The following C8orf34 variants were observed in gnomAD, a reference collection of about 807,000 sequenced individuals.
C8orf34 encodes uncharacterized protein C8orf34.
In C8orf34, 65 loss-of-function variants were observed where a neutral mutation model predicts 68.3. The observed-to-expected ratio is 0.95, with a 90% confidence interval of 0.78 to 1.17. C8orf34 has a LOEUF of 1.17. C8orf34 is among the 50% of genes most tolerant of loss of function. The pLI is 0.00. For missense variants in C8orf34, 664 were observed against 655.4 expected (o/e 1.01, Z -0.14); for synonymous variants, 244 against 241.2 (o/e 1.01, Z -0.11).
At chr8:68,450,840 T>C (rs936602913) in intron 3 of C8orf34, among the ~76,000 whole-genome samples, 1 of 152,100 alleles carries the variant, frequency 6.6e-6, no homozygotes, top group East Asian at 1.9e-4. Flanking sequence ...AAGCATTGAC[T>C]TCAACTTAAA....
chr8:68,816,632 T>C (rs1335571349), intron 13 of C8orf34, among the ~76,000 whole-genome samples: 1 of 152,178 alleles, frequency 6.6e-6, no homozygotes, highest in Non-Finnish European at 1.5e-5. Context: ...ATGGGGAGTT[T>C]ACTGTTACCC....
chr8:68,621,237 T>C (rs959483532), intron 7 of C8orf34, among the ~76,000 whole-genome samples: 2 of 152,146 alleles, frequency 1.3e-5, no homozygotes, highest in African/African-American at 4.8e-5. Flanking sequence ...GCTTTGGTGC[T>C]CCAGCAGTCT....
At chr8:68,636,434 A>T (rs1466511055) in intron 7 of C8orf34, among the ~76,000 whole-genome samples, 1 of 151,864 alleles carries the variant, frequency 6.6e-6, no homozygotes, top group South Asian at 2.1e-4. Flanking sequence ...AAATACAAAA[A>T]ATTAGCCAGG....
chr8:68,685,078 C>T (rs2130888848), intron 8 of C8orf34, among the ~76,000 whole-genome samples: 1 of 152,182 alleles, frequency 6.6e-6, no homozygotes, highest in African/African-American at 2.4e-5. Flanking sequence ...AACTCTTATA[C>T]TAAGGTATAA....
intron 8 of C8orf34, among the ~76,000 whole-genome samples, chr8:68,701,610 A>G (rs2130936699): frequency 6.6e-6 from 1 of 152,050 alleles, no homozygotes; most frequent in South Asian, 2.1e-4. Context: ...GTCTTTCACT[A>G]TGATTGGTGC....
intron 7 of C8orf34, among the ~76,000 whole-genome samples, chr8:68,583,559 C>G (rs1817125358): frequency 6.6e-6 from 1 of 152,066 alleles, no homozygotes; most frequent in African/African-American, 2.4e-5. Context: ...TAAATTATTA[C>G]CCATTTTCAA....
At chr8:68,353,897 A>G (rs1235828999) in intron 1 of C8orf34, among the ~76,000 whole-genome samples, 2 of 151,880 alleles carry the variant, frequency 1.3e-5, no homozygotes, top group Non-Finnish European at 2.9e-5. Context: ...ATACTATGCC[A>G]TTTTATATAA....
At chr8:68,779,238 A>T (rs1003280713) in intron 11 of C8orf34, among the ~76,000 whole-genome samples, 2 of 150,910 alleles carry the variant, frequency 1.3e-5, no homozygotes, top group Non-Finnish European at 3.0e-5. Context: ...CACTACCCAG[A>T]CGAATAACTG....
intron 1 of C8orf34, among the ~76,000 whole-genome samples, chr8:68,402,272 T>G (rs763215441): frequency 1.3e-5 from 2 of 152,140 alleles, no homozygotes; most frequent in Non-Finnish European, 2.9e-5. Context: ...TCATTTCTGA[T>G]TTTGTATATT....
At chr8:68,444,190 T>C (rs1398367208) in intron 2 of C8orf34, among the ~76,000 whole-genome samples, 1 of 152,162 alleles carries the variant, frequency 6.6e-6, no homozygotes, top group Non-Finnish European at 1.5e-5. Flanking sequence ...TGAATGCAAA[T>C]TTAAATATTG....
At position 68,391,049 on chromosome 8, in the gene C8orf34, A is replaced by G. The variant is rs144851553; in HGVS notation, c.328-48450A>G. ...ACCATAGCTACAAAATGTCTTTAGCAACACATAGATTAGTGTTTGATTAAA... is the reference window on the plus strand; with the variant it reads ...ACCATAGCTACAAAATGTCTTTAGCGACACATAGATTAGTGTTTGATTAAA... On this transcript the variant is annotated intron_variant, in intron 1 of 13. Transcript: ENST00000518698. 6.6e-3 allele frequency among the ~76,000 whole-genome samples: 1,004 copies of G among 152,288 alleles called. 9 individuals carry two copies. The highest frequency in any genetic ancestry group is 0.021 in the African/African-American group (884 of 41,572).
At chr8:68,543,735 A>G (rs1169693052) in intron 7 of C8orf34, among the ~76,000 whole-genome samples, 1 of 152,208 alleles carries the variant, frequency 6.6e-6, no homozygotes, top group Non-Finnish European at 1.5e-5. Flanking sequence ...ATGAGTATAT[A>G]TGTAGTTTTC....
At position 68,776,576 on chromosome 8, in the gene C8orf34, A is replaced by G. The variant is rs1823526237; in HGVS notation, c.1455+127A>G. On this transcript the variant is annotated intron_variant, in intron 11 of 13. Coordinates refer to ENST00000518698, the MANE Select transcript of C8orf34 (RefSeq NM_052958.4). ...CTGTATGTGTTCAATGGTCATGTCC[A>G]CAAAAACAGGATAATAAATAATAGG... 1.5e-5 allele frequency: 10 copies of G among 660,962 alleles called. No homozygotes were observed. In the South Asian group the frequency reaches 2.1e-4, roughly 14 times the overall value. 40.9% of individuals were successfully genotyped at this position (660,962 alleles called of 1,614,324 possible).
chr8:68,578,958 T>A (rs1313390830), intron 7 of C8orf34, among the ~76,000 whole-genome samples: 1 of 152,098 alleles, frequency 6.6e-6, no homozygotes, highest in Non-Finnish European at 1.5e-5. Flanking sequence ...CCTCGGCGAT[T>A]TAGCATGCAA....
intron 1 of C8orf34, 60 bp from the exon 2 acceptor site, chr8:68,439,439 G>T: frequency 6.6e-7 from 1 of 1,524,330 alleles, no homozygotes; most frequent in Non-Finnish European, 9.0e-7. Flanking sequence ...CTAAGTAAGT[G>T]CTTGCTATTA....
chr8:68,655,857 T>A (rs1819497437), intron 8 of C8orf34, among the ~76,000 whole-genome samples: 1 of 152,170 alleles, frequency 6.6e-6, no homozygotes, highest in African/African-American at 2.4e-5. Context: ...CCTATTTCCA[T>A]CTTTCTAGAA....
intron 7 of C8orf34, among the ~76,000 whole-genome samples, chr8:68,596,137 A>T (rs1461293847): frequency 6.6e-6 from 1 of 152,010 alleles, no homozygotes; most frequent in African/African-American, 2.4e-5. Context: ...CTATTAGTGT[A>T]TATTCCCTTT....
At chr8:68,732,873 G>T (rs1469406530) in intron 10 of C8orf34, among the ~76,000 whole-genome samples, 4 of 152,104 alleles carry the variant, frequency 2.6e-5, no homozygotes, top group Non-Finnish European at 5.9e-5. Context: ...GATCAGCCTG[G>T]CCAATATGGC....
At chr8:68,362,559 C>A (rs941438002) in intron 1 of C8orf34, among the ~76,000 whole-genome samples, 2 of 152,174 alleles carry the variant, frequency 1.3e-5, no homozygotes, top group African/African-American at 2.4e-5. Flanking sequence ...GATCTGAGAA[C>A]GGGCAGACTG....
Sources: allele counts gnomAD v4.1 joint callset (sites outside exome capture counted in the v4.1 genomes callset), GRCh38; gene constraint gnomAD v4.1.1; transcripts MANE v1.5; gene names NCBI Gene and HGNC (gene_info 2026-07-23, HGNC 2026-07-21).